Variants in LRP6 observed in about 807,000 individuals in gnomAD.
The protein encoded by LRP6 is low-density lipoprotein receptor-related protein 6.
In LRP6, 43 loss-of-function variants were observed where a neutral mutation model predicts 184.1. The ratio of observed to expected loss-of-function variants is 0.23; its 90% confidence interval spans 0.18 to 0.30. The LOEUF (loss-of-function observed/expected upper bound fraction) is 0.30, where lower values mean the gene tolerates loss of function less well. Among genes scored for constraint, LRP6 ranks in the 10% least tolerant of loss-of-function variants. LRP6 has a pLI of 1.00. For synonymous variants in LRP6, 719 were observed against 684.9 expected, an observed-to-expected ratio of 1.05 and a Z score of -0.78; for missense variants, 1,571 against 2,005.3, an observed-to-expected ratio of 0.78 and a Z score of 4.14.
At chr12:12,190,358 C>G (rs937720202) in intron 3 of LRP6, among the ~76,000 whole-genome samples, 2 of 152,112 alleles carry the variant, frequency 1.3e-5, no homozygotes, top group Non-Finnish European at 2.9e-5. Context: ...TAGGTCACAA[C>G]GATAACAGAA....
intron 2 of LRP6, among the ~76,000 whole-genome samples, chr12:12,221,070 C>T (rs74061139): frequency 0.017 from 2,636 of 152,286 alleles, 86 homozygotes; most frequent in African/African-American, 0.059. Context: ...ACCCCTCTCT[C>T]CTTAAGAACC....
In LRP6 at chr12:12,125,347, T is replaced by G. The variant is rs1565527544; in HGVS notation, c.4398A>C (p.Thr1466=). ...SGPPYDRAHV[T]GASSSSSSST... is the part of the protein sequence containing the mutation. Reference sequence around the variant, plus strand: ...TTGAAGAACTACTTGATGATGCTCCTGTAACATGGGCTCGGTCATAGGGGG... The same window carrying G: ...TTGAAGAACTACTTGATGATGCTCCGGTAACATGGGCTCGGTCATAGGGGG... The change falls in exon 21 of 23, where the codon ACA becomes ACC. Residue 1466 remains threonine (T), a synonymous_variant. Coordinates refer to ENST00000261349, the MANE Select transcript of LRP6 (RefSeq NM_002336.3). 6 of 1,614,118 alleles carry G rather than the reference T, an allele frequency of 3.7e-6. No individual in the cohort carries two copies. Among genetic ancestry groups the G allele is most frequent in the Non-Finnish European group, 5.1e-6 (6 of 1,180,000 alleles).
chr12:12,244,206 G>C, intron 2 of LRP6, 56 bp downstream of exon 2: 1 of 1,574,890 alleles, frequency 6.3e-7, no homozygotes, highest in Non-Finnish European at 8.7e-7. Context: ...GTGTATGTCA[G>C]TGGAGAAAAA....
intron 3 of LRP6, among the ~76,000 whole-genome samples, chr12:12,199,287 G>A (rs1456671368): frequency 1.3e-5 from 2 of 152,024 alleles, no homozygotes; most frequent in Non-Finnish European, 2.9e-5. Flanking sequence ...GCATTCAAAA[G>A]CAGCTCTGTC....
In LRP6 at chr12:12,181,323, T is replaced by C. The variant is rs746780249; in HGVS notation, c.1093A>G (p.Ile365Val). Residue 365 changes from isoleucine (I) to valine (V), a missense_variant, in exon 6 of 23, where the codon ATA (isoleucine) becomes GTA (valine). Physicochemically the swap from Ile to Val is conservative, Grantham distance 29 (BLOSUM62 3). Coordinates refer to ENST00000261349, the MANE Select transcript of LRP6 (RefSeq NM_002336.3). Reference sequence around the variant, plus strand: ...TAGCCTTCCACAGGATCGTAATCTATGGCAATGGCATGACGGATGTCTTCT... The same window carrying C: ...TAGCCTTCCACAGGATCGTAATCTACGGCAATGGCATGACGGATGTCTTCT... ...QLEDIRHAIA[I>V]DYDPVEGYIY... The C allele has an allele frequency of 2.3e-5, 37 of 1,614,038 alleles. No individual in the cohort carries two copies. The highest frequency in any genetic ancestry group is 1.6e-4 in the Middle Eastern group (1 of 6,084).
At chr12:12,197,419 A>T (rs540938442) in intron 3 of LRP6, among the ~76,000 whole-genome samples, 1 of 152,338 alleles carries the variant, frequency 6.6e-6, no homozygotes, top group African/African-American at 2.4e-5. Flanking sequence ...ACAGCACTGT[A>T]AATGTTCAAT....
At position 12,119,986 on chromosome 12, in the gene LRP6, ACAAAATATATATATAT is replaced by A. The variant is rs1374972739; in HGVS notation, c.*1124_*1139del. On this transcript the variant is annotated 3_prime_UTR_variant, in exon 23 of 23. Coordinates refer to ENST00000261349, the MANE Select transcript of LRP6 (RefSeq NM_002336.3). ...TTTTACTCAGAAAACAAACAAACAA[ACAAAATATATATATAT>A]ATATATATATATATATATATATATA... is the stretch of plus-strand genomic sequence containing the variant. 1.0e-4 allele frequency: 11 copies of A among 109,554 alleles called. No homozygotes were observed. Among genetic ancestry groups the A allele is most frequent in the African/African-American group, 3.3e-4 (10 of 29,858 alleles). The allele number at this position is 109,554 out of a possible 1,614,324, so 6.8% of individuals were successfully genotyped here.
At position 12,149,159 on chromosome 12, in the gene LRP6, G is replaced by GA. The variant is rs34743827; in HGVS notation, c.2995-7dup. ...CTCACAACCACAGTAAAGCCCTAGG[G>GA]AAAAAAAGAAATACAGAGAAAATTA... On this transcript the variant is annotated splice_polypyrimidine_tract_variant and splice_region_variant and intron_variant, in intron 13 of 22. Coordinates refer to ENST00000261349, the MANE Select transcript of LRP6 (RefSeq NM_002336.3). 8.7e-6 allele frequency: 14 copies of GA among 1,611,566 alleles called. No individual in the cohort carries two copies. In the East Asian group the frequency reaches 8.9e-5, roughly 10 times the overall value.
intron 19 of LRP6, among the ~76,000 whole-genome samples, chr12:12,128,563 T>C (rs532896544): frequency 6.6e-6 from 1 of 152,296 alleles, no homozygotes; most frequent in Admixed American, 6.5e-5. Flanking sequence ...TATCACAAAC[T>C]GAACTCACTG....
At chr12:12,124,438 C>A in intron 22 of LRP6, 127 bp downstream of exon 22, 1 of 724,076 alleles carries the variant, frequency 1.4e-6, no homozygotes, top group Non-Finnish European at 2.5e-6. Context: ...AATGTCAGTA[C>A]TATCAAGATA....
At chr12:12,174,306 T>C (rs1313307595) in intron 7 of LRP6, among the ~76,000 whole-genome samples, 1 of 152,104 alleles carries the variant, frequency 6.6e-6, no homozygotes, top group Non-Finnish European at 1.5e-5. Flanking sequence ...GAGACGGGGT[T>C]TCACCATGTT....
chr12:12,188,018 T>C (rs1246931005), intron 3 of LRP6, among the ~76,000 whole-genome samples: 1 of 151,898 alleles, frequency 6.6e-6, no homozygotes, highest in African/African-American at 2.4e-5. Flanking sequence ...AAGACCAGCC[T>C]GGCCAAGATG....
intron 3 of LRP6, among the ~76,000 whole-genome samples, chr12:12,194,108 T>C (rs1049128057): frequency 1.6e-4 from 24 of 152,060 alleles, no homozygotes; most frequent in Admixed American, 7.2e-4. Flanking sequence ...ATCATTTCCA[T>C]AGATGCAGAA....
intron 7 of LRP6, among the ~76,000 whole-genome samples, chr12:12,171,034 T>G (rs1268608186): frequency 6.6e-6 from 1 of 152,066 alleles, no homozygotes; most frequent in Non-Finnish European, 1.5e-5. Flanking sequence ...CCCTCCTGCT[T>G]AAGACACGCT....
intron 9 of LRP6, among the ~76,000 whole-genome samples, chr12:12,163,240 T>C (rs1464449245): frequency 6.6e-6 from 1 of 152,128 alleles, no homozygotes; most frequent in Non-Finnish European, 1.5e-5. Flanking sequence ...CCTCCCAAAG[T>C]GCTGGGATTT....
chr12:12,235,482 G>C (rs933285568), intron 2 of LRP6, among the ~76,000 whole-genome samples: 1 of 151,812 alleles, frequency 6.6e-6, no homozygotes, highest in Admixed American at 6.6e-5. Context: ...GTAATCTCAC[G>C]CACTTTGGGA....
intron 19 of LRP6, 99 bp from the exon 20 acceptor site, chr12:12,127,020 A>C: frequency 1.0e-6 from 1 of 956,494 alleles, no homozygotes; most frequent in Non-Finnish European, 1.7e-6. Context: ...TGAAGCTATA[A>C]GCCTAATGAA....
rs1024125027 is a variant in LRP6, at chr12:12,151,117, G to T, written c.2792-79C>A. 1.9e-5 allele frequency: 24 copies of T among 1,234,584 alleles called. No homozygotes were observed. The Admixed American group carries it at 3.9e-4, about 20-fold the overall frequency. The allele number at this position is 1,234,584 out of a possible 1,614,324, so 76.5% of individuals were successfully genotyped here. A position where few individuals can be genotyped will look rare whatever the true frequency, so the allele number is the denominator to read the frequency against. Reference sequence around the variant, plus strand: ...CATCCAATGATTTGATCAGCCTGTTGTATGTATTTCATACAAAACAGACAT... The same window carrying T: ...CATCCAATGATTTGATCAGCCTGTTTTATGTATTTCATACAAAACAGACAT... On this transcript the variant is annotated intron_variant, in intron 12 of 22. Coordinates refer to ENST00000261349, the MANE Select transcript of LRP6 (RefSeq NM_002336.3).
chr12:12,143,169 G>A (rs1949957229), intron 15 of LRP6, among the ~76,000 whole-genome samples: 1 of 152,142 alleles, frequency 6.6e-6, no homozygotes, highest in South Asian at 2.1e-4. Flanking sequence ...TTTACCACTA[G>A]CGTTTAAAAG....
Sources: allele counts gnomAD v4.1 joint callset (sites outside exome capture counted in the v4.1 genomes callset), GRCh38; gene constraint gnomAD v4.1.1; transcripts MANE v1.5; gene names NCBI Gene and HGNC (gene_info 2026-07-23, HGNC 2026-07-21).